XG: variants seen among roughly 807,000 people sequenced by gnomAD.
The protein encoded by XG is Xg glycoprotein (Xg blood group).
Under a neutral mutation model 25.7 loss-of-function variants are expected in XG, and 24 were observed. That is an observed-to-expected ratio of 0.93 (90% CI 0.68 to 1.31). The LOEUF is 1.31. Among genes scored for constraint, XG ranks in the 40% most tolerant of loss-of-function variants. XG has a pLI of 0.00. For missense variants in XG, 181 were observed against 187.6 expected (o/e 0.96, Z 0.21); for synonymous variants, 77 against 69.2 (o/e 1.11, Z -0.56).
At chrX:2,800,792 A>G (rs746249691) in intron 7 of XG, among the ~76,000 whole-genome samples, 46 of 111,199 alleles carry the variant, frequency 4.1e-4, no homozygotes, top group African/African-American at 1.4e-3. Context: ...GTTCAAGACC[A>G]GCCTGGGCAA....
chrX:2,765,423 G>A (rs1405456621), intron 1 of XG, among the ~76,000 whole-genome samples: 1 of 125,310 alleles, frequency 8.0e-6, no homozygotes, highest in Non-Finnish European at 1.8e-5. Context: ...GGAAACAATT[G>A]CTTGAAAGGG....
chrX:2,807,743 G>A lies in XG; in HGVS notation c.419-442G>A, dbSNP rs755393977. On this transcript the variant is annotated intron_variant, in intron 8 of 10. Coordinates refer to ENST00000644266, the MANE Select transcript of XG (RefSeq NM_001141919.2). ...CATGTGTGTGTGCACGTGTGTATGC[G>A]TGCTTGTCTGCCTGTGTGTTGCACG... Among the ~76,000 whole-genome samples, 6 of 112,238 alleles carry A rather than the reference G, an allele frequency of 5.3e-5. No individual in the cohort carries two copies. In the East Asian group the frequency reaches 1.4e-3, roughly 26 times the overall value.
intron 7 of XG, among the ~76,000 whole-genome samples, chrX:2,804,173 T>G (rs73632932): frequency 0.06 from 6,755 of 112,319 alleles, 507 homozygotes; most frequent in African/African-American, 0.21. Flanking sequence ...TTGTAGCTAA[T>G]TTGTTAGTCC....
intron 7 of XG, among the ~76,000 whole-genome samples, chrX:2,801,324 CAA>C (rs1491371014): frequency 3.7e-5 from 4 of 108,446 alleles, no homozygotes; most frequent in African/African-American, 1.4e-4. Context: ...CAGCTCCTTG[CAA>C]GAGAGAGAGG....
chrX:2,802,909 CTTTG>C (rs1460026457), intron 7 of XG, among the ~76,000 whole-genome samples: 1 of 111,060 alleles, frequency 9.0e-6, no homozygotes, highest in African/African-American at 3.3e-5. Flanking sequence ...GGGCTGTTAT[CTTTG>C]TTTGAATGTT....
chrX:2,755,847 A>G (rs1294686380), intron 1 of XG, among the ~76,000 whole-genome samples: 1 of 152,092 alleles, frequency 6.6e-6, no homozygotes, highest in African/African-American at 2.4e-5. Flanking sequence ...CAAGATCCCA[A>G]AAACATTCTG....
At chrX:2,783,590 C>G (rs1295794315) in intron 4 of XG, among the ~76,000 whole-genome samples, 3 of 112,283 alleles carry the variant, frequency 2.7e-5, no homozygotes, top group African/African-American at 9.7e-5. Context: ...ATTGCAGACA[C>G]GCACATCCAG....
intron 1 of XG, among the ~76,000 whole-genome samples, chrX:2,762,347 G>A (rs943517515): frequency 1.3e-5 from 2 of 152,162 alleles, no homozygotes; most frequent in African/African-American, 4.8e-5. Flanking sequence ...ATGGTCACTG[G>A]GAAGTCAAGA....
intron 9 of XG, among the ~76,000 whole-genome samples, chrX:2,810,093 C>T (rs368251889): frequency 4.5e-5 from 5 of 111,506 alleles, no homozygotes; most frequent in Admixed American, 1.9e-4. Flanking sequence ...CAGCATCAGC[C>T]GTAGAGCAGG....
At chrX:2,763,297 A>T (rs999784809) in intron 1 of XG, among the ~76,000 whole-genome samples, 3 of 152,118 alleles carry the variant, frequency 2.0e-5, no homozygotes, top group Admixed American at 6.5e-5. Flanking sequence ...TGCGGGTGTG[A>T]GCCACCATGC....
chrX:2,773,887 G>A (rs1190325765), intron 2 of XG, among the ~76,000 whole-genome samples: 2 of 151,986 alleles, frequency 1.3e-5, no homozygotes, highest in Admixed American at 1.3e-4. Context: ...GGAGGTGGCA[G>A]GAAGGAGAAA....
At chrX:2,777,200 A>ATAAC (rs1332021337) in intron 3 of XG, among the ~76,000 whole-genome samples, 1 of 152,210 alleles carries the variant, frequency 6.6e-6, no homozygotes, top group Non-Finnish European at 1.5e-5. Context: ...AAAAATAATA[A>ATAAC]TAACTGGTGT....
chrX:2,803,287 G>A (rs1271439905), intron 7 of XG, among the ~76,000 whole-genome samples: 1 of 110,718 alleles, frequency 9.0e-6, no homozygotes, highest in Non-Finnish European at 1.9e-5. Flanking sequence ...GAGGAGCTGG[G>A]GCTACAGGCA....
intron 1 of XG, among the ~76,000 whole-genome samples, chrX:2,762,032 C>G (rs2050577293): frequency 2.0e-5 from 3 of 152,160 alleles, no homozygotes; most frequent in Non-Finnish European, 2.9e-5. Context: ...CCAGACAGAC[C>G]TGCTGAAGCA....
At chrX:2,772,092 A>G (rs2050831001) in intron 2 of XG, among the ~76,000 whole-genome samples, 1 of 152,218 alleles carries the variant, frequency 6.6e-6, no homozygotes, top group African/African-American at 2.4e-5. Flanking sequence ...AGAATGAGGC[A>G]TATCTGCAAG....
Position 2,781,953 on chromosome X carries a change from A to G in XG, c.128-113A>G, listed in dbSNP as rs1005859353. 3.1e-5 allele frequency: 24 copies of G among 764,830 alleles called. No individual in the cohort carries two copies. The African/African-American group carries it at 4.7e-4, about 15-fold the overall frequency. 63.0% of individuals were successfully genotyped at this position (764,830 alleles called of 1,213,427 possible). On this transcript the variant is annotated intron_variant, in intron 3 of 10. Transcript: ENST00000644266. ...ATCTATAAACACACCGTGGGCAGCA[A>G]ATCAGAACAAACTGCAAGGTCGATA...
Position 2,766,742 on chromosome X carries a change from T to A in XG, c.62-3808T>A, listed in dbSNP as rs370862251. ...ACCACACCCGGCTAATTTTTTTGTA[T>A]TTTTACTAGAGACGGGGTTTCACCG... is the stretch of plus-strand genomic sequence containing the variant. On this transcript the variant is annotated intron_variant, in intron 1 of 10. Coordinates refer to ENST00000644266, the MANE Select transcript of XG (RefSeq NM_001141919.2). Among the ~76,000 whole-genome samples, 16 of 150,950 alleles carry A rather than the reference T, an allele frequency of 1.1e-4. 1 individual carries two copies. Among genetic ancestry groups the A allele is most frequent in the Admixed American group, 5.3e-4 (8 of 15,138 alleles).
chrX:2,781,855 AC>A (rs1362247830), intron 3 of XG, among the ~76,000 whole-genome samples: 2 of 99,553 alleles, frequency 2.0e-5, no homozygotes, highest in Non-Finnish European at 4.0e-5. Context: ...CAAAACGGAA[AC>A]CTTTTTTTTT....
chrX:2,767,223 G>A (rs1450367566), intron 1 of XG, among the ~76,000 whole-genome samples: 2 of 152,094 alleles, frequency 1.3e-5, no homozygotes, highest in East Asian at 1.9e-4. Flanking sequence ...TCCCAGAGGG[G>A]TTTGGTGACT....
Sources: gnomAD v4.1 joint callset for allele counts (sites outside exome capture counted in the v4.1 genomes callset) on GRCh38, gnomAD v4.1.1 for gene constraint, MANE v1.5 for transcripts, NCBI Gene and HGNC (gene_info 2026-07-23, HGNC 2026-07-21) for gene names.